Variants in ANKRD13A observed in about 807,000 individuals in gnomAD.
ANKRD13A encodes ankyrin repeat domain-containing protein 13A.
In ANKRD13A, 48 loss-of-function variants were observed where a neutral mutation model predicts 81.3. That is an observed-to-expected ratio of 0.59 (90% CI 0.47 to 0.75). The LOEUF is 0.75. Among genes scored for constraint, ANKRD13A ranks in the 30% least tolerant of loss-of-function variants. ANKRD13A has a pLI of 0.00. For synonymous variants in ANKRD13A, 230 were observed against 270.1 expected (o/e 0.85, Z 1.45); for missense variants, 612 against 734.0 (o/e 0.83, Z 1.92).
chr12:110,003,433 C>T (rs192907389), intron 1 of ANKRD13A, among the ~76,000 whole-genome samples: 2 of 152,254 alleles, frequency 1.3e-5, no homozygotes, highest in South Asian at 2.1e-4. Flanking sequence ...CCTTGGTCAT[C>T]GGGGGTTCAA....
chr12:110,025,094 G>A (rs903299134), intron 7 of ANKRD13A, among the ~76,000 whole-genome samples: 6 of 152,174 alleles, frequency 3.9e-5, no homozygotes, highest in Admixed American at 2.0e-4. Context: ...AGTGGCTCAC[G>A]CCTGTAATCC....
chr12:110,007,883 C>G (rs1890319951), intron 1 of ANKRD13A, among the ~76,000 whole-genome samples: 1 of 152,092 alleles, frequency 6.6e-6, no homozygotes, highest in South Asian at 2.1e-4. Flanking sequence ...GTCCTGAAAC[C>G]TTGCTGAACT....
rs562443254 is a variant in ANKRD13A at position 110,016,227 on chromosome 12, C to T, written c.355-161C>T. On this transcript the variant is annotated intron_variant, in intron 3 of 14. Coordinates refer to ENST00000261739, the MANE Select transcript of ANKRD13A (RefSeq NM_033121.2). ...CCTCCCAAAGTGCTGGGATTACTGGCATGAGCCACCTCACCCGGCTAGGGG... is the reference window on the plus strand; with the variant it reads ...CCTCCCAAAGTGCTGGGATTACTGGTATGAGCCACCTCACCCGGCTAGGGG... 2.0e-5 allele frequency among the ~76,000 whole-genome samples: 3 copies of T among 152,146 alleles called. No individual in the cohort carries two copies. The East Asian group carries it at 5.8e-4, about 29-fold the overall frequency.
rs1890931863 is a variant in ANKRD13A, at chr12:110,018,919, CA to C, written c.545-219del. 6.6e-6 allele frequency among the ~76,000 whole-genome samples: 1 copy of C among 152,132 alleles called. No individual in the cohort carries two copies. The highest frequency in any genetic ancestry group is 2.1e-4 in the South Asian group (1 of 4,828). ...ATGCAGATTATTAAGAAAAATTCCGCACCTTTGGGGAAGATGGCTCAGAGCT... is the reference window on the plus strand; with the variant it reads ...ATGCAGATTATTAAGAAAAATTCCGCCCTTTGGGGAAGATGGCTCAGAGCT... On this transcript the variant is annotated intron_variant, in intron 5 of 14. Coordinates refer to ENST00000261739, the MANE Select transcript of ANKRD13A (RefSeq NM_033121.2). The surrounding 1 kb of genome is among the most constrained non-coding windows in gnomAD (Gnocchi z 4.4).
chr12:110,029,344 A>T, intron 10 of ANKRD13A, 134 bp from the exon 11 acceptor site: 1 of 968,346 alleles, frequency 1.0e-6, no homozygotes, highest in Non-Finnish European at 1.5e-6. Context: ...TTTGACCTTT[A>T]ATAGGTCTGA....
intron 12 of ANKRD13A, chr12:110,032,608 C>G (rs1891757351): frequency 6.6e-6 from 1 of 152,100 alleles, no homozygotes; most frequent in Non-Finnish European, 1.5e-5. Context: ...GATGTGTACC[C>G]TAAAGAAAGT....
chr12:110,011,108 GA>G (rs11352479), intron 1 of ANKRD13A, among the ~76,000 whole-genome samples: 27,651 of 126,472 alleles, frequency 0.22, 4,561 homozygotes, highest in African/African-American at 0.49. Flanking sequence ...TTGTTTAAAA[GA>G]AAAAAAAAAA....
rs547230376 is a variant in ANKRD13A, at chr12:110,002,029, C to T, written c.96+2245C>T. ...TCTTGTACTCAAGTGATCTGCCCGC[C>T]TCAGCCTCCCAAAGTGCTGGGATTA... On this transcript the variant is annotated intron_variant, in intron 1 of 14. Coordinates refer to ENST00000261739, the MANE Select transcript of ANKRD13A (RefSeq NM_033121.2). Among the ~76,000 whole-genome samples the T allele has an allele frequency of 3.1e-3, 465 of 152,188 alleles. 1 individual carries two copies. Among genetic ancestry groups the T allele is most frequent in the Non-Finnish European group, 5.0e-3 (341 of 68,006 alleles).
chr12:110,029,441 G>C (rs1014039629), intron 10 of ANKRD13A, 37 bp from the exon 11 acceptor site: 1 of 1,597,674 alleles, frequency 6.3e-7, no homozygotes, highest in Non-Finnish European at 8.6e-7. Flanking sequence ...CCATCTGGTG[G>C]AGATGACCTC....
In ANKRD13A at chr12:110,027,695, C is replaced by T. The variant is rs1472012859; in HGVS notation, c.884-10C>T. On this transcript the variant is annotated splice_polypyrimidine_tract_variant and intron_variant, in intron 8 of 14. Transcript: ENST00000261739. Reference sequence around the variant, plus strand: ...TAATATTAGACTTTAAACTCCCTACCCCTCTGTAGCAGACAGGAACCCGCT... The same window carrying T: ...TAATATTAGACTTTAAACTCCCTACTCCTCTGTAGCAGACAGGAACCCGCT... 6.2e-7 allele frequency: 1 copy of T among 1,613,644 alleles called. No homozygotes were observed. The highest frequency in any genetic ancestry group is 1.3e-5 in the African/African-American group (1 of 74,876).
At chr12:110,026,376 C>G (rs1891329459) in intron 8 of ANKRD13A, among the ~76,000 whole-genome samples, 1 of 150,220 alleles carries the variant, frequency 6.7e-6, no homozygotes, top group African/African-American at 2.4e-5. Context: ...GAATTCAAGA[C>G]CAGCCTGACC....
chr12:110,025,590 C>T, intron 7 of ANKRD13A, 152 bp from the exon 8 acceptor site: 3 of 644,196 alleles, frequency 4.7e-6, no homozygotes, highest in Non-Finnish European at 8.3e-6. Flanking sequence ...TATATACTTT[C>T]TCTGAAGGAT....
Position 110,036,748 on chromosome 12 carries a change from T to C in ANKRD13A, c.1577+420T>C, listed in dbSNP as rs1435432639. On this transcript the variant is annotated intron_variant, in intron 14 of 14. Coordinates refer to ENST00000261739, the MANE Select transcript of ANKRD13A (RefSeq NM_033121.2). The surrounding 1 kb of genome is among the most constrained non-coding windows in gnomAD (Gnocchi z 4.6). The stretch of plus-strand genomic sequence containing the variant: ...CTGGGCGATAGAGCGAGACTCCGTC[T>C]CAAAAAAAAAAAAGACTAAAGTGTT... Among the ~76,000 whole-genome samples, 1 of 148,924 alleles carries C rather than the reference T, an allele frequency of 6.7e-6. No individual in the cohort carries two copies. Among genetic ancestry groups the C allele is most frequent in the African/African-American group, 2.5e-5 (1 of 39,628 alleles).
Position 110,028,604 on chromosome 12 carries a change from C to T in ANKRD13A, c.1038C>T (p.Asp346=), listed in dbSNP as rs1228171956. Residue 346 remains aspartate (D), a synonymous_variant, in exon 10 of 15, where the codon GAC becomes GAT. Coordinates refer to ENST00000261739, the MANE Select transcript of ANKRD13A (RefSeq NM_033121.2). ...FNEEFDLKDR[D]IGRPKELTIR... ...AAGAGTTTGATCTGAAAGACAGGGA[C>T]ATTGGAAGGCCGAAAGAGCTGACGA... 6.2e-7 allele frequency: 1 copy of T among 1,614,206 alleles called. No homozygotes were observed. The highest frequency in any genetic ancestry group is 2.2e-5 in the East Asian group (1 of 44,892).
intron 6 of ANKRD13A, chr12:110,021,880 T>C: frequency 6.6e-6 from 1 of 152,238 alleles, no homozygotes; most frequent in Non-Finnish European, 1.5e-5. Flanking sequence ...TGAAAGATTA[T>C]GCTTTGCCCA....
chr12:110,030,176 T>C (rs962286344), intron 11 of ANKRD13A, among the ~76,000 whole-genome samples: 4 of 152,022 alleles, frequency 2.6e-5, no homozygotes, highest in Admixed American at 2.6e-4. Flanking sequence ...TTTTCTCTTT[T>C]TTTTTTTTGA....
chr12:110,027,643 C>CT (rs1408833338), intron 8 of ANKRD13A, 62 bp from the exon 9 acceptor site: 128 of 1,523,084 alleles, frequency 8.4e-5, no homozygotes, highest in Non-Finnish European at 1.1e-4. Flanking sequence ...TAATGAAGAT[C>CT]TTTTTTTTAT....
intron 7 of ANKRD13A, among the ~76,000 whole-genome samples, chr12:110,024,407 A>G (rs1350911975): frequency 1.3e-5 from 2 of 151,720 alleles, no homozygotes; most frequent in Admixed American, 6.6e-5. Context: ...TCCCTTAATT[A>G]TTTAAAAAAA....
intron 6 of ANKRD13A, 86 bp from the exon 7 acceptor site, chr12:110,023,960 G>C: frequency 7.4e-7 from 1 of 1,352,966 alleles, no homozygotes; most frequent in Non-Finnish European, 1.0e-6. Context: ...CTTAAGCTGG[G>C]GGGGAAAAAA....
Sources: allele counts gnomAD v4.1 joint callset (sites outside exome capture counted in the v4.1 genomes callset), GRCh38; gene constraint gnomAD v4.1.1; non-coding constraint Gnocchi (gnomAD v3.1); transcripts MANE v1.5; gene names NCBI Gene and HGNC (gene_info 2026-07-23, HGNC 2026-07-21).